The following SLC25A26 variants were observed in gnomAD, a reference collection of about 807,000 sequenced individuals.
SLC25A26 encodes mitochondrial S-adenosylmethionine carrier protein.
SLC25A26 carries 36 observed loss-of-function variants against 37.8 expected under a neutral mutation model. The ratio of observed to expected loss-of-function variants is 0.95; its 90% CI spans 0.73 to 1.26. The LOEUF (loss-of-function observed/expected upper bound fraction) is 1.26, where lower values mean the gene tolerates loss of function less well. Among genes scored for constraint, SLC25A26 ranks in the 50% most tolerant of loss-of-function variants. The pLI is 0.00. For synonymous variants in SLC25A26, 129 were observed against 122.5 expected (o/e 1.05, Z -0.35); for missense variants, 390 against 331.1 (o/e 1.18, Z -1.38).
At chr3:66,256,631 C>G (rs932618068) in intron 3 of SLC25A26, among the ~76,000 whole-genome samples, 7 of 152,106 alleles carry the variant, frequency 4.6e-5, no homozygotes, top group African/African-American at 1.4e-4. Context: ...CATGGTGGCT[C>G]TCGCTTGTAA....
chr3:66,198,739 C>T (rs1264977454), intron 1 of SLC25A26, among the ~76,000 whole-genome samples: 3 of 151,970 alleles, frequency 2.0e-5, no homozygotes, highest in Non-Finnish European at 2.9e-5. Context: ...CCTTTACCCT[C>T]ATCTTTACCA....
chr3:66,348,259 G>T (rs2076372665), intron 6 of SLC25A26, among the ~76,000 whole-genome samples: 1 of 152,164 alleles, frequency 6.6e-6, no homozygotes, highest in Non-Finnish European at 1.5e-5. Flanking sequence ...TAAATTGTGT[G>T]GGTCTTTGTC....
intron 1 of SLC25A26, among the ~76,000 whole-genome samples, chr3:66,161,072 T>C (rs993344251): frequency 7.9e-5 from 12 of 152,120 alleles, no homozygotes; most frequent in Admixed American, 1.3e-4. Flanking sequence ...GTTATCCATA[T>C]ATTAAATAAG....
chr3:66,223,842 C>G (rs1184885988), intron 1 of SLC25A26, among the ~76,000 whole-genome samples: 1 of 152,130 alleles, frequency 6.6e-6, no homozygotes, highest in South Asian at 2.1e-4. Context: ...ACAAAATCCT[C>G]AAAGAGTACA....
intron 3 of SLC25A26, among the ~76,000 whole-genome samples, chr3:66,244,024 T>G (rs949923562): frequency 6.6e-6 from 1 of 152,184 alleles, no homozygotes; most frequent in Non-Finnish European, 1.5e-5. Context: ...TTTCCTTCCC[T>G]GTTGCCTGCC....
At chr3:66,211,533 C>T (rs921624456) in intron 1 of SLC25A26, among the ~76,000 whole-genome samples, 6 of 152,174 alleles carry the variant, frequency 3.9e-5, no homozygotes, top group South Asian at 4.1e-4. Context: ...CTGCCTCCCC[C>T]GGTCTTTCCA....
intron 5 of SLC25A26, among the ~76,000 whole-genome samples, chr3:66,284,974 A>C (rs1217623815): frequency 6.6e-6 from 1 of 152,190 alleles, no homozygotes; most frequent in South Asian, 2.1e-4. Flanking sequence ...TTGGAGTACA[A>C]ACATGGGTAG....
chr3:66,372,360 G>A (rs937106132), intron 9 of SLC25A26, among the ~76,000 whole-genome samples: 11 of 152,178 alleles, frequency 7.2e-5, no homozygotes, highest in East Asian at 3.9e-4. Context: ...TGGCATGATC[G>A]ACTGGCAACC....
chr3:66,231,588 A>G (rs782247370), intron 1 of SLC25A26, among the ~76,000 whole-genome samples: 5 of 152,168 alleles, frequency 3.3e-5, no homozygotes, highest in Non-Finnish European at 7.4e-5. Flanking sequence ...CTCTTTCCAC[A>G]GAGGCAATAA....
rs113219731 is a variant in SLC25A26, at chr3:66,369,669, G to A, written c.633+127G>A. On this transcript the variant is annotated intron_variant, in intron 8 of 9. Coordinates refer to ENST00000354883, the MANE Select transcript of SLC25A26 (RefSeq NM_001379210.1). Reference sequence around the variant, plus strand: ...TGTAATAGCATCTTATGCTGCCTGTGCAACCTCTAACAAAACTGCCATTGA... The same window carrying A: ...TGTAATAGCATCTTATGCTGCCTGTACAACCTCTAACAAAACTGCCATTGA... 1,951 of 758,672 alleles carry A rather than the reference G, an allele frequency of 2.6e-3. 27 individuals are homozygous for A. The highest frequency in any genetic ancestry group is 0.014 in the African/African-American group (815 of 56,948). 47.0% of individuals were successfully genotyped at this position (758,672 alleles called of 1,614,324 possible).
At chr3:66,186,635 G>C (rs1000220939) in intron 1 of SLC25A26, among the ~76,000 whole-genome samples, 1 of 151,728 alleles carries the variant, frequency 6.6e-6, no homozygotes, top group Non-Finnish European at 1.5e-5. Flanking sequence ...AAAACAATTG[G>C]GACCCTCACC....
intron 3 of SLC25A26, among the ~76,000 whole-genome samples, chr3:66,260,324 C>A (rs1161759822): frequency 6.6e-6 from 1 of 151,926 alleles, no homozygotes; most frequent in African/African-American, 2.4e-5. Flanking sequence ...ATATGTATTT[C>A]TTGAACTGAA....
At chr3:66,220,895 C>G, upstream of SLC25A26, 1 of 629,808 alleles carries the variant, frequency 1.6e-6, no homozygotes, top group East Asian at 3.1e-5. Context: ...CACCACACTC[C>G]CCGAGGCCCC....
rs1027806276 is a variant in SLC25A26 at position 66,192,369 on chromosome 3, G to A, written c.-353-28373G>A. On this transcript the variant is annotated intron_variant, in intron 1 of 10. Transcript: ENST00000676754. ...AATTGCAGAATTTGCTCCCTCTCTC[G>A]ACCCTCCAGCATGCGAGGGTATGAG... is the stretch of plus-strand genomic sequence containing the variant. Among the ~76,000 whole-genome samples the A allele has an allele frequency of 2.3e-4, 35 of 149,504 alleles. No homozygotes were observed. The South Asian group carries it at 4.1e-3, about 17-fold the overall frequency.
At chr3:66,310,428 G>A (rs2075344821) in intron 5 of SLC25A26, among the ~76,000 whole-genome samples, 1 of 152,082 alleles carries the variant, frequency 6.6e-6, no homozygotes, top group South Asian at 2.1e-4. Context: ...AATACAGCAC[G>A]CCAGTGGGTC....
chr3:66,310,544 A>G (rs903897964), intron 5 of SLC25A26, among the ~76,000 whole-genome samples: 1 of 152,134 alleles, frequency 6.6e-6, no homozygotes, highest in African/African-American at 2.4e-5. Context: ...TCATGATGCT[A>G]GCTGTTTATT....
At chr3:66,337,398 AGTT>A (rs1361876020) in intron 5 of SLC25A26, among the ~76,000 whole-genome samples, 3 of 152,136 alleles carry the variant, frequency 2.0e-5, no homozygotes, top group Non-Finnish European at 2.9e-5. Context: ...ATTAAACAAA[AGTT>A]GTGTTTTATG....
chr3:66,198,198 G>T (rs1450603377), intron 1 of SLC25A26, among the ~76,000 whole-genome samples: 1 of 152,000 alleles, frequency 6.6e-6, no homozygotes, highest in Non-Finnish European at 1.5e-5. Flanking sequence ...CTAGGTCAGG[G>T]TGTTTTCAGA....
intron 5 of SLC25A26, among the ~76,000 whole-genome samples, chr3:66,296,889 T>C (rs1368597236): frequency 1.3e-5 from 2 of 152,234 alleles, no homozygotes; most frequent in Non-Finnish European, 2.9e-5. Context: ...GATTCTGTTT[T>C]CCACACTCCC....
Sources: allele counts gnomAD v4.1 joint callset (sites outside exome capture counted in the v4.1 genomes callset), GRCh38; gene constraint gnomAD v4.1.1; transcripts MANE v1.5; gene names NCBI Gene and HGNC (gene_info 2026-07-23, HGNC 2026-07-21).